The following SND1 variants were observed in gnomAD, a reference collection of about 807,000 sequenced individuals.
The protein encoded by SND1 is staphylococcal nuclease and tudor domain containing 1.
A neutral mutation model predicts 121.7 loss-of-function variants in SND1; 38 were observed. The ratio of observed to expected loss-of-function variants is 0.31; its 90% CI spans 0.24 to 0.41. The LOEUF (loss-of-function observed/expected upper bound fraction) is 0.41, where lower values mean the gene tolerates loss of function less well. Ranked by LOEUF, SND1 falls within the 10% of genes least tolerant of loss-of-function variation. The probability of loss-of-function intolerance (pLI) is 1.00; values close to 1 mark genes in which losing one functional copy is unlikely to be tolerated. For synonymous variants in SND1, 401 were observed against 447.4 expected (o/e 0.90, Z 1.31); for missense variants, 868 against 1,184.6 (o/e 0.73, Z 3.92).
At chr7:127,888,073 T>C in intron 13 of SND1, 61 bp downstream of exon 13, 1 of 1,125,394 alleles carries the variant, frequency 8.9e-7, no homozygotes, top group South Asian at 1.3e-5. Context: ...TCTTTCCCAG[T>C]TTTGTGCCTA....
intron 10 of SND1, among the ~76,000 whole-genome samples, chr7:127,725,367 G>A (rs1356664047): frequency 3.9e-5 from 6 of 152,196 alleles, no homozygotes; most frequent in African/African-American, 1.2e-4. Flanking sequence ...ATCATGCCAG[G>A]GGCCATGGCT....
intron 16 of SND1, among the ~76,000 whole-genome samples, chr7:128,046,832 A>G (rs1332818015): frequency 6.6e-6 from 1 of 152,240 alleles, no homozygotes; most frequent in Non-Finnish European, 1.5e-5. Flanking sequence ...AAATCAAAGT[A>G]AAACTAATTT....
At position 127,991,027 on chromosome 7, in the gene SND1, T is replaced by C; in HGVS notation, c.1750T>C (p.Phe584Leu). 1 of 1,613,982 alleles carries C rather than the reference T, an allele frequency of 6.2e-7. No individual in the cohort carries two copies. Residue 584 changes from phenylalanine to leucine, a missense_variant, in exon 16 of 24, where the codon TTC (phenylalanine) becomes CTC (leucine). Coordinates refer to ENST00000354725, the MANE Select transcript of SND1 (RefSeq NM_014390.4). ...GEPFSEEATLFTKELVLQREV... is the reference protein window; with the variant it reads ...GEPFSEEATLLTKELVLQREV... ...GCCCTTCAGCGAGGAAGCTACACTTTTCACCAAGGAACTGGTGCTGCAGCG... is the reference window on the plus strand; with the variant it reads ...GCCCTTCAGCGAGGAAGCTACACTTCTCACCAAGGAACTGGTGCTGCAGCG...
At chr7:127,949,837 G>C (rs1266611518) in intron 15 of SND1, among the ~76,000 whole-genome samples, 1 of 152,168 alleles carries the variant, frequency 6.6e-6, no homozygotes, top group Non-Finnish European at 1.5e-5. Flanking sequence ...GCTGTGTTTT[G>C]TGCTCTATCA....
At chr7:128,081,746 C>T (rs1793606144) in intron 18 of SND1, 1 of 636,822 alleles carries the variant, frequency 1.6e-6, no homozygotes, top group Non-Finnish European at 3.0e-6. Flanking sequence ...TGCTGCCGGA[C>T]AGGTCCTCTG....
At chr7:128,002,527 A>G (rs1264518979) in intron 16 of SND1, among the ~76,000 whole-genome samples, 1 of 152,194 alleles carries the variant, frequency 6.6e-6, no homozygotes, top group Non-Finnish European at 1.5e-5. Flanking sequence ...TGATAAGGTG[A>G]TCACCAAGGG....
At chr7:127,790,410 GC>G (rs1240984409) in intron 10 of SND1, among the ~76,000 whole-genome samples, 2 of 152,166 alleles carry the variant, frequency 1.3e-5, no homozygotes, top group African/African-American at 2.4e-5. Flanking sequence ...AAAGTCTTAA[GC>G]CGTTAAAGAG....
rs547239917 is a variant in SND1, at chr7:127,737,893, C to T, written c.1152+16493C>T. ...TCAAATACACTTTAAGGCAAGAGGG[C>T]AGCCATTGACAAATGCAGACCCAGG... On this transcript the variant is annotated intron_variant, in intron 10 of 23. Transcript: ENST00000354725. 2.6e-5 allele frequency among the ~76,000 whole-genome samples: 4 copies of T among 152,312 alleles called. No individual in the cohort carries two copies. The East Asian group carries it at 5.8e-4, about 22-fold the overall frequency.
At chr7:127,908,158 A>T (rs1195778643) in intron 14 of SND1, among the ~76,000 whole-genome samples, 1 of 152,060 alleles carries the variant, frequency 6.6e-6, no homozygotes, top group Non-Finnish European at 1.5e-5. Flanking sequence ...TTGATAAAAA[A>T]TTTGGCCCTC....
chr7:127,803,299 T>G (rs1257130300), intron 10 of SND1, among the ~76,000 whole-genome samples: 1 of 152,216 alleles, frequency 6.6e-6, no homozygotes, highest in Non-Finnish European at 1.5e-5. Context: ...CCTGCACCCC[T>G]GTTCCCTTTC....
chr7:127,824,087 A>G (rs1375363690), intron 11 of SND1, among the ~76,000 whole-genome samples: 1 of 152,254 alleles, frequency 6.6e-6, no homozygotes, highest in Admixed American at 6.5e-5. Flanking sequence ...ACTTTTTAAA[A>G]AAGTAAATAA....
chr7:127,821,450 T>A (rs1348831524), intron 11 of SND1, among the ~76,000 whole-genome samples: 1 of 152,330 alleles, frequency 6.6e-6, no homozygotes, highest in African/African-American at 2.4e-5. Context: ...CTCCATGTCA[T>A]CATCTCTGCT....
chr7:127,702,166 A>G (rs1162604281), intron 5 of SND1, among the ~76,000 whole-genome samples: 6 of 152,186 alleles, frequency 3.9e-5, no homozygotes, highest in African/African-American at 1.4e-4. Context: ...ATCCTAGCTT[A>G]TGGATAACAA....
chr7:128,035,911 C>G (rs1792741538), intron 16 of SND1, among the ~76,000 whole-genome samples: 1 of 152,182 alleles, frequency 6.6e-6, no homozygotes, highest in African/African-American at 2.4e-5. Context: ...TTATCCTGAG[C>G]AGCCACTAGA....
Position 128,085,936 on chromosome 7 carries a change from G to A in SND1, c.2304+156G>A, listed in dbSNP as rs561670482. 6.6e-6 allele frequency among the ~76,000 whole-genome samples: 1 copy of A among 152,262 alleles called. No homozygotes were observed. The highest frequency in any genetic ancestry group is 2.4e-5 in the African/African-American group (1 of 41,534). On this transcript the variant is annotated intron_variant, in intron 20 of 23. Transcript: ENST00000354725. This position sits in a 1 kb window ranked among gnomAD's most constrained non-coding sequence, Gnocchi z 4.4. ...GCGTGTAACAGGCCAGGCCCCCTCA[G>A]TGACCTGGCAAAACTGGGGTCTATG... is the stretch of plus-strand genomic sequence containing the variant.
chr7:128,024,871 C>G (rs1424120125), intron 16 of SND1, among the ~76,000 whole-genome samples: 1 of 152,070 alleles, frequency 6.6e-6, no homozygotes, highest in Non-Finnish European at 1.5e-5. Flanking sequence ...ATTGTTGAGC[C>G]GGGTAAGCAA....
chr7:127,971,297 C>A (rs1449252598), intron 15 of SND1, among the ~76,000 whole-genome samples: 1 of 152,112 alleles, frequency 6.6e-6, no homozygotes. Flanking sequence ...GGTTTGTAAC[C>A]AGCAAAGGAA....
At chr7:127,761,140 A>G (rs1409032698) in intron 10 of SND1, among the ~76,000 whole-genome samples, 1 of 152,174 alleles carries the variant, frequency 6.6e-6, no homozygotes, top group Non-Finnish European at 1.5e-5. Context: ...CAAGTACAAA[A>G]TTAGCATGCT....
intron 10 of SND1, among the ~76,000 whole-genome samples, chr7:127,767,067 T>G (rs1180899475): frequency 1.3e-5 from 2 of 152,138 alleles, no homozygotes; most frequent in African/African-American, 2.4e-5. Flanking sequence ...GAGAGATATA[T>G]CTAGGGTACA....
Sources: gnomAD v4.1 joint callset for allele counts (sites outside exome capture counted in the v4.1 genomes callset) on GRCh38, gnomAD v4.1.1 for gene constraint, Gnocchi (gnomAD v3.1) non-coding constraint, MANE v1.5 for transcripts, NCBI Gene and HGNC (gene_info 2026-07-23, HGNC 2026-07-21) for gene names.